DCDC2: variants seen among roughly 807,000 people sequenced by gnomAD.
The protein encoded by DCDC2 is doublecortin domain containing 2.
Under a neutral mutation model 50.2 loss-of-function variants are expected in DCDC2, and 40 were observed. That is an observed-to-expected ratio of 0.80 (90% CI 0.62 to 1.04). The LOEUF (loss-of-function observed/expected upper bound fraction) is 1.04, where lower values mean the gene tolerates loss of function less well. Ranked by LOEUF, DCDC2 falls within the 50% of genes least tolerant of loss-of-function variation. DCDC2 has a pLI of 0.00. For synonymous variants in DCDC2, 234 were observed against 210.6 expected (o/e 1.11, Z -0.96); for missense variants, 570 against 581.9 (o/e 0.98, Z 0.21).
At chr6:24,376,369 C>T in the DCDC2 span, among the ~76,000 whole-genome samples, 2 of 152,136 alleles carry the variant, frequency 1.3e-5, no homozygotes, top group South Asian at 2.1e-4. Flanking sequence ...TCCCTGGGCC[C>T]CTGAGGACTC....
chr6:24,232,656 T>C (rs1762360486), intron 7 of DCDC2, among the ~76,000 whole-genome samples: 1 of 152,204 alleles, frequency 6.6e-6, no homozygotes. Flanking sequence ...ATAGGCTATA[T>C]CTGGTTGATA....
rs145096937 is a variant in DCDC2, at chr6:24,196,624, G to A, written c.1023+8378C>T. Among the ~76,000 whole-genome samples, 151 of 152,250 alleles carry A rather than the reference G, an allele frequency of 9.9e-4. 1 individual carries two copies. The highest frequency in any genetic ancestry group is 3.6e-3 in the African/African-American group (148 of 41,562). ...TTCAGTAGAGACCAGGTTTCACCGT[G>A]TTGGCCAGGCTGGTCTCGAACACTC... On this transcript the variant is annotated intron_variant, in intron 8 of 9. Transcript: ENST00000378454.
At chr6:24,248,130 C>T (rs1398779626) in intron 7 of DCDC2, among the ~76,000 whole-genome samples, 1 of 152,136 alleles carries the variant, frequency 6.6e-6, no homozygotes, top group Admixed American at 6.6e-5. Context: ...TCTTTAACTG[C>T]TCTTCAGCTC....
At chr6:24,212,240 C>T (rs932661442) in intron 7 of DCDC2, among the ~76,000 whole-genome samples, 51 of 152,138 alleles carry the variant, frequency 3.4e-4, no homozygotes, top group African/African-American at 1.2e-3. Context: ...CAAAACTGGT[C>T]CCTGGTGCAA....
rs1467623839 is a variant in DCDC2 at position 24,173,114 on chromosome 6, G to A, written c.*1616C>T. 1 of 151,920 alleles carries A rather than the reference G, an allele frequency of 6.6e-6. No homozygotes were observed. The highest frequency in any genetic ancestry group is 1.5e-5 in the Non-Finnish European group (1 of 67,982). 9.4% of individuals were successfully genotyped at this position (151,920 alleles called of 1,614,324 possible). On this transcript the variant is annotated 3_prime_UTR_variant, in exon 10 of 10. Coordinates refer to ENST00000378454, the MANE Select transcript of DCDC2 (RefSeq NM_016356.5). Reference sequence around the variant, plus strand: ...CCCATTTGAAAAAGTAACGCTAGTAGAAAGCACAATTTAGATTTTACACCA... The same window carrying A: ...CCCATTTGAAAAAGTAACGCTAGTAAAAAGCACAATTTAGATTTTACACCA...
rs2113761540 is a variant in DCDC2, at chr6:24,205,040, C to T, written c.985G>A (p.Glu329Lys). The change falls in exon 8 of 10, where the codon GAA becomes AAA. Residue 329 changes from glutamate (E) to lysine (K), a missense_variant. Physicochemically the swap from Glu to Lys is moderately conservative, Grantham distance 56. Coordinates refer to ENST00000378454, the MANE Select transcript of DCDC2 (RefSeq NM_016356.5). ...SETRGAAEVQ[E>K]DEDTQVEVPV... ...ACCTCAACCTGAGTATCTTCATCTTCTTGGACTTCTGCTGCCCCCCGTGTT... is the reference window on the plus strand; with the variant it reads ...ACCTCAACCTGAGTATCTTCATCTTTTTGGACTTCTGCTGCCCCCCGTGTT... The T allele has an allele frequency of 6.2e-7, 1 of 1,614,096 alleles. No homozygotes were observed.
intron 2 of DCDC2, among the ~76,000 whole-genome samples, chr6:24,331,515 T>G (rs1275837354): frequency 6.6e-6 from 1 of 152,112 alleles, no homozygotes. Flanking sequence ...ATCCTTTATT[T>G]GATATGCGAT....
At position 24,178,612 on chromosome 6, in the gene DCDC2, G is replaced by A. The variant is rs143313706; in HGVS notation, c.1044C>T (p.Asp348=). 5,044 of 1,612,918 alleles carry A rather than the reference G, an allele frequency of 3.1e-3. 33 individuals are homozygous for A. Among genetic ancestry groups the A allele is most frequent in the Middle Eastern group, 8.7e-3 (53 of 6,062 alleles). The part of the protein sequence containing the change: ...PVDQRPAEIV[D]EEEDGEKANK... ...TTGCCTTCTCTCCATCTTCTTCCTC[G>A]TCTACTATTTCTGCTGGCCTCTGAT... Residue 348 remains aspartate (D), a synonymous_variant, in exon 9 of 10, where the codon GAC becomes GAT. Transcript: ENST00000378454.
intron 2 of DCDC2, among the ~76,000 whole-genome samples, chr6:24,318,839 G>A (rs1759721404): frequency 1.3e-5 from 2 of 149,826 alleles, no homozygotes; most frequent in Admixed American, 1.3e-4. Flanking sequence ...TCTGTTGATG[G>A]ACACTTAGGT....
chr6:24,319,605 A>T (rs186602643), intron 2 of DCDC2, among the ~76,000 whole-genome samples: 267 of 152,260 alleles, frequency 1.8e-3, no homozygotes, highest in African/African-American at 6.2e-3. Context: ...ACATTTTGTT[A>T]AGTGAAATAC....
the DCDC2 span, among the ~76,000 whole-genome samples, chr6:24,374,981 G>C: frequency 6.6e-6 from 1 of 152,210 alleles, no homozygotes; most frequent in Non-Finnish European, 1.5e-5. Flanking sequence ...CCACAGGGGT[G>C]CTAGAGCCAC....
In DCDC2 at chr6:24,203,410, C is replaced by A. The variant is rs146435648; in HGVS notation, c.1023+1592G>T. ...AAAGGATTCCCTATGTAATAAATGGCGTTGGGAAAACTGGCTAGCCACATG... is the reference window on the plus strand; with the variant it reads ...AAAGGATTCCCTATGTAATAAATGGAGTTGGGAAAACTGGCTAGCCACATG... On this transcript the variant is annotated intron_variant, in intron 8 of 9. Coordinates refer to ENST00000378454, the MANE Select transcript of DCDC2 (RefSeq NM_016356.5). Among the ~76,000 whole-genome samples, 89 of 152,130 alleles carry A rather than the reference C, an allele frequency of 5.9e-4. No homozygotes were observed. The East Asian group carries it at 0.016, about 27-fold the overall frequency.
chr6:24,376,000 T>C, the DCDC2 span, among the ~76,000 whole-genome samples: 1 of 152,060 alleles, frequency 6.6e-6, no homozygotes, highest in African/African-American at 2.4e-5. Context: ...CAGAAATGTA[T>C]TTTTATGAGA....
intron 8 of DCDC2, among the ~76,000 whole-genome samples, chr6:24,187,171 T>TA (rs1761222994): frequency 1.3e-5 from 2 of 152,018 alleles, no homozygotes; most frequent in South Asian, 2.1e-4. Flanking sequence ...TCTATTTCCT[T>TA]AAAAAAATAG....
At chr6:24,289,935 A>G (rs1396594533) in intron 5 of DCDC2, among the ~76,000 whole-genome samples, 1 of 145,796 alleles carries the variant, frequency 6.9e-6, no homozygotes, top group East Asian at 2.1e-4. Flanking sequence ...CACCATGAGC[A>G]AGCCGAGAGA....
At chr6:24,333,287 T>A (rs994594115) in intron 2 of DCDC2, among the ~76,000 whole-genome samples, 1 of 152,116 alleles carries the variant, frequency 6.6e-6, no homozygotes, top group African/African-American at 2.4e-5. Flanking sequence ...ATACTCCACT[T>A]CTTGAAAGAC....
chr6:24,294,219 TATG>T (rs1763812921), intron 4 of DCDC2, among the ~76,000 whole-genome samples: 1 of 151,798 alleles, frequency 6.6e-6, no homozygotes, highest in South Asian at 2.1e-4. Flanking sequence ...ATTAGCTGGG[TATG>T]GTGGCACACT....
At chr6:24,255,414 A>G (rs1762881324) in intron 7 of DCDC2, among the ~76,000 whole-genome samples, 1 of 152,128 alleles carries the variant, frequency 6.6e-6, no homozygotes, top group African/African-American at 2.4e-5. Flanking sequence ...AAACATAGGA[A>G]AAACATTAAT....
intron 8 of DCDC2, among the ~76,000 whole-genome samples, chr6:24,198,313 C>A (rs1392278854): frequency 1.3e-5 from 2 of 152,196 alleles, no homozygotes; most frequent in African/African-American, 4.8e-5. Context: ...CGGCTCATCT[C>A]ATTGGGACTG....
Sources: gnomAD v4.1 joint callset for allele counts (sites outside exome capture counted in the v4.1 genomes callset) on GRCh38, gnomAD v4.1.1 for gene constraint, MANE v1.5 for transcripts, NCBI Gene and HGNC (gene_info 2026-07-23, HGNC 2026-07-21) for gene names.